The following ANKRD31 variants were observed in gnomAD, a reference collection of about 807,000 sequenced individuals.
ANKRD31 encodes the protein ankyrin repeat domain-containing protein 31.
ANKRD31 carries 147 observed loss-of-function variants against 186.0 expected under a neutral mutation model. That is an observed-to-expected ratio of 0.79 (90% CI 0.69 to 0.91). The LOEUF is 0.91. ANKRD31 is among the 40% of genes least tolerant of loss of function. The probability of loss-of-function intolerance (pLI) is 0.00; values close to 1 mark genes in which losing one functional copy is unlikely to be tolerated. For synonymous variants in ANKRD31, 673 were observed against 736.4 expected (o/e 0.91, Z 1.39); for missense variants, 1,986 against 2,148.8 (o/e 0.92, Z 1.50).
chr5:75,194,173 G>A (rs1345704), intron 7 of ANKRD31, among the ~76,000 whole-genome samples: 76,787 of 151,864 alleles, frequency 0.51, 22,349 homozygotes, highest in African/African-American at 0.81. Context: ...TTACATATCC[G>A]TCTTGCAAAG....
chr5:75,115,040 G>A (rs1748100709), intron 19 of ANKRD31, among the ~76,000 whole-genome samples: 1 of 151,980 alleles, frequency 6.6e-6, no homozygotes. Flanking sequence ...AAACAGCATG[G>A]TATTGGTACC....
At chr5:75,156,102 G>A (rs530016437) in intron 11 of ANKRD31, among the ~76,000 whole-genome samples, 5 of 152,048 alleles carry the variant, frequency 3.3e-5, no homozygotes, top group South Asian at 2.1e-4. Context: ...ATGGGGTTTC[G>A]CCTTGTTGGC....
At chr5:75,167,882 C>A (rs1753035198) in intron 11 of ANKRD31, among the ~76,000 whole-genome samples, 1 of 152,020 alleles carries the variant, frequency 6.6e-6, no homozygotes, top group Non-Finnish European at 1.5e-5. Context: ...AGTGAGGGAG[C>A]AAATGGGCTA....
chr5:75,182,977 T>C (rs1754435322), intron 10 of ANKRD31, among the ~76,000 whole-genome samples: 1 of 152,104 alleles, frequency 6.6e-6, no homozygotes, highest in Admixed American at 6.6e-5. Flanking sequence ...GAATCCCCAA[T>C]ACCCCTGATG....
chr5:75,203,737 A>G (rs1323161564), intron 5 of ANKRD31, among the ~76,000 whole-genome samples: 1 of 152,032 alleles, frequency 6.6e-6, no homozygotes, highest in Non-Finnish European at 1.5e-5. Flanking sequence ...CCAGGGCATG[A>G]TATTATCCAT....
intron 8 of ANKRD31, 50 bp downstream of exon 8, chr5:75,193,261 T>G: frequency 6.7e-7 from 1 of 1,496,416 alleles, no homozygotes. Flanking sequence ...TATAATTATC[T>G]ATAATGTCTA....
intron 11 of ANKRD31, among the ~76,000 whole-genome samples, chr5:75,165,394 T>C (rs1157596191): frequency 1.3e-5 from 2 of 152,150 alleles, no homozygotes; most frequent in Non-Finnish European, 2.9e-5. Flanking sequence ...ATTGTAAGTA[T>C]ATTAGATGAT....
chr5:75,187,734 T>C (rs1301681844), intron 10 of ANKRD31, among the ~76,000 whole-genome samples: 1 of 152,150 alleles, frequency 6.6e-6, no homozygotes. Flanking sequence ...CAGGCTTTGC[T>C]AAGGTAAAGT....
rs762809062 is a variant in ANKRD31 at position 75,146,284 on chromosome 5, T to G, written c.3127A>C (p.Thr1043Pro). ...KPQDYIPRAP[T>P]FLMNQTDTHI... ...GTATCTGTTTGATTCATTAAAAAAGTTGGTGCTCTGGGAATATAATCCTGT... is the reference window on the plus strand; with the variant it reads ...GTATCTGTTTGATTCATTAAAAAAGGTGGTGCTCTGGGAATATAATCCTGT... The change falls in exon 14 of 26, where the codon ACT (threonine) becomes CCT (proline). Residue 1043 changes from threonine (T) to proline (P), a missense_variant. By Grantham distance (38) the Thr-to-Pro change is conservative. Transcript: ENST00000506364. The G allele has an allele frequency of 1.3e-6, 2 of 1,536,544 alleles. No individual in the cohort carries two copies. Among genetic ancestry groups the G allele is most frequent in the Non-Finnish European group, 8.7e-7 (1 of 1,146,482 alleles).
chr5:75,147,558 C>G lies in ANKRD31; in HGVS notation c.1906-53G>C, dbSNP rs1580431880. The G allele has an allele frequency of 9.9e-6, 11 of 1,113,348 alleles. No homozygotes were observed. The East Asian group carries it at 2.9e-4, about 30-fold the overall frequency. The allele number at this position is 1,113,348 out of a possible 1,614,324, so 69.0% of individuals were successfully genotyped here. On this transcript the variant is annotated intron_variant, in intron 13 of 25. Coordinates refer to ENST00000506364, the MANE Select transcript of ANKRD31 (RefSeq NM_001372053.1). ...TTAATTTTCAGCGGTAGTACTATAT[C>G]AATTCAATCTGGATTATTGATAAAT...
chr5:75,089,787 A>T (rs1329238813), intron 23 of ANKRD31, among the ~76,000 whole-genome samples: 1 of 152,246 alleles, frequency 6.6e-6, no homozygotes, highest in Admixed American at 6.5e-5. Flanking sequence ...CCACATTTGC[A>T]TGTGGCTTCA....
intron 22 of ANKRD31, among the ~76,000 whole-genome samples, chr5:75,102,040 G>T (rs942896582): frequency 5.3e-5 from 8 of 152,168 alleles, no homozygotes; most frequent in African/African-American, 1.9e-4. Context: ...TTTCTGCTCT[G>T]GTTTCTCCCC....
intron 5 of ANKRD31, among the ~76,000 whole-genome samples, chr5:75,203,944 C>T (rs1755989440): frequency 6.6e-6 from 1 of 151,982 alleles, no homozygotes; most frequent in Admixed American, 6.6e-5. Context: ...TATATTAGGC[C>T]ATTTGATATT....
At position 75,146,070 on chromosome 5, in the gene ANKRD31, T is replaced by A. The variant is rs1580427646; in HGVS notation, c.3341A>T (p.His1114Leu). The change falls in exon 14 of 26, where the codon CAT (histidine) becomes CTT (leucine). Residue 1114 changes from histidine (H) to leucine (L), a missense_variant. His to Leu is a moderately conservative substitution (Grantham distance 99). Coordinates refer to ENST00000506364, the MANE Select transcript of ANKRD31 (RefSeq NM_001372053.1). ...ESETIHNIDSHSTDNMSKELA... is the reference protein window; with the variant it reads ...ESETIHNIDSLSTDNMSKELA... ...TTCTTTACTCATATTGTCAGTGGAA[T>A]GAGAATCTATATTGTGTATAGTCTC... 6.5e-7 allele frequency: 1 copy of A among 1,529,248 alleles called. No homozygotes were observed. The highest frequency in any genetic ancestry group is 8.7e-7 in the Non-Finnish European group (1 of 1,144,326). The allele number at this position is 1,529,248 out of a possible 1,614,324, so 94.7% of individuals were successfully genotyped here.
chr5:75,138,131 C>A, intron 16 of ANKRD31, 133 bp from the exon 17 acceptor site: 1 of 772,480 alleles, frequency 1.3e-6, no homozygotes, highest in Non-Finnish European at 1.8e-6. Flanking sequence ...AAGTATTGAA[C>A]AAGAAATAAT....
At chr5:75,115,849 G>A (rs1175546608) in intron 19 of ANKRD31, among the ~76,000 whole-genome samples, 1 of 151,978 alleles carries the variant, frequency 6.6e-6, no homozygotes, top group Non-Finnish European at 1.5e-5. Context: ...AAGTCAGTGT[G>A]GCGATTCCTC....
intron 1 of ANKRD31, among the ~76,000 whole-genome samples, chr5:75,231,935 ACACACACACACAC>A (rs1357142594): frequency 6.6e-6 from 1 of 151,618 alleles, no homozygotes; most frequent in Admixed American, 6.6e-5. Context: ...ACACACACAC[ACACACACACACAC>A]AACTTTCTAA....
chr5:75,082,671 A>C (rs1345866721), intron 24 of ANKRD31, among the ~76,000 whole-genome samples: 1 of 152,240 alleles, frequency 6.6e-6, no homozygotes, highest in Non-Finnish European at 1.5e-5. Flanking sequence ...AAAATAAACA[A>C]AACCAAATCA....
intron 2 of ANKRD31, among the ~76,000 whole-genome samples, chr5:75,229,240 C>T (rs1244652839): frequency 6.6e-6 from 1 of 152,046 alleles, no homozygotes; most frequent in Admixed American, 6.6e-5. Context: ...AAGAAAGGCA[C>T]GTTTACAATG....
Sources: gnomAD v4.1 joint callset for allele counts (sites outside exome capture counted in the v4.1 genomes callset) on GRCh38, gnomAD v4.1.1 for gene constraint, MANE v1.5 for transcripts, NCBI Gene and HGNC (gene_info 2026-07-23, HGNC 2026-07-21) for gene names.